Variants in ACOT6 observed in about 807,000 individuals in gnomAD.
The protein encoded by ACOT6 is acyl-CoA thioesterase 6.
A neutral mutation model predicts 12.3 loss-of-function variants in ACOT6; 14 were observed. That is an observed-to-expected ratio of 1.14 (90% CI 0.75 to 1.78). ACOT6 has a LOEUF of 1.78. ACOT6 is among the 40% of genes most tolerant of loss of function. The probability of loss-of-function intolerance (pLI) is 0.00; values close to 1 mark genes in which losing one functional copy is unlikely to be tolerated. For missense variants in ACOT6, 523 were observed against 551.8 expected, an observed-to-expected ratio of 0.95 and a Z score of 0.52; for synonymous variants, 218 against 231.3, an observed-to-expected ratio of 0.94 and a Z score of 0.52.
At position 73,619,282 on chromosome 14, in the gene ACOT6, CTG is replaced by C; in HGVS notation, c.713_714del (p.Cys238SerfsTer36). Reference sequence around the variant, plus strand: ...TCTTGGATTTTCCAAAGGAGGTGACCTGTGTCTCTCAATGGCTTCTTTCTTGA... The same window carrying C: ...TCTTGGATTTTCCAAAGGAGGTGACCTGTCTCTCAATGGCTTCTTTCTTGA... ...ALLGFSKGGD[L>X]CLSMASFLKG... On this transcript the variant is annotated frameshift_variant, in exon 3 of 3. Coordinates refer to ENST00000645972, the MANE Select transcript of ACOT6 (RefSeq NM_001365788.1). LOFTEE classifies it low-confidence loss of function (END_TRUNC). 1 of 1,609,262 alleles carries C rather than the reference CTG, an allele frequency of 6.2e-7. No homozygotes were observed. Among genetic ancestry groups the C allele is most frequent in the Non-Finnish European group, 8.5e-7 (1 of 1,178,606 alleles).
chr14:73,612,326 T>C (rs1445985978), upstream of ACOT6, among the ~76,000 whole-genome samples: 1 of 152,186 alleles, frequency 6.6e-6, no homozygotes, highest in Non-Finnish European at 1.5e-5. Context: ...ACAGGCGTGA[T>C]CCACCGCCCC....
intron 1 of ACOT6, among the ~76,000 whole-genome samples, chr14:73,615,509 T>C (rs1360392725): frequency 1.4e-5 from 2 of 148,046 alleles, no homozygotes; most frequent in African/African-American, 5.1e-5. Flanking sequence ...GGTGGGCGGA[T>C]CATCTGAGGT....
intron 1 of ACOT6, among the ~76,000 whole-genome samples, chr14:73,613,942 CA>C (rs1380407274): frequency 6.8e-6 from 1 of 148,014 alleles, no homozygotes; most frequent in Non-Finnish European, 1.5e-5. Context: ...GTAATCCCAG[CA>C]CTTTGGGAGG....
Position 73,612,545 on chromosome 14 carries a change from G to T in ACOT6, c.-27G>T. ...CCCGCCCACTGACTCCGCGGAGCTGGGTCGCCCCTGTTCTACCCAGATTGG... is the reference window on the plus strand; with the variant it reads ...CCCGCCCACTGACTCCGCGGAGCTGTGTCGCCCCTGTTCTACCCAGATTGG... On this transcript the variant is annotated 5_prime_UTR_variant, in exon 1 of 3. Coordinates refer to ENST00000645972, the MANE Select transcript of ACOT6 (RefSeq NM_001365788.1). 1 of 1,281,680 alleles carries T rather than the reference G, an allele frequency of 7.8e-7. No individual in the cohort carries two copies. The highest frequency in any genetic ancestry group is 1.0e-6 in the Non-Finnish European group (1 of 993,398). 79.4% of individuals were successfully genotyped at this position (1,281,680 alleles called of 1,614,324 possible). A position where few individuals can be genotyped will look rare whatever the true frequency, so the allele number is the denominator to read the frequency against.
Position 73,613,038 on chromosome 14 carries a change from C to A in ACOT6, c.461+6C>A, listed in dbSNP as rs1890476601. On this transcript the variant is annotated splice_donor_region_variant and intron_variant, in intron 1 of 2. Coordinates refer to ENST00000645972, the MANE Select transcript of ACOT6 (RefSeq NM_001365788.1). ...CTCTTCCTGCCGCCGGATGAGTAGT[C>A]TGCCCAGAATTTGGTCGAGCTCTGC... 9 of 785,022 alleles carry A rather than the reference C, an allele frequency of 1.1e-5. No individual in the cohort carries two copies. The South Asian group carries it at 1.7e-4, about 15-fold the overall frequency. 48.6% of individuals were successfully genotyped at this position (785,022 alleles called of 1,614,324 possible).
chr14:73,617,858 A>C (rs750730144), intron 2 of ACOT6, among the ~76,000 whole-genome samples: 2 of 152,052 alleles, frequency 1.3e-5, no homozygotes, highest in Non-Finnish European at 2.9e-5. Flanking sequence ...TAATTAAAAC[A>C]TTTTGGCCAG....
In ACOT6 at chr14:73,619,755, A is replaced by T; in HGVS notation, c.1182A>T (p.Ala394=). ...GTGAGCCAAAGGCTCACTCAAAGGCACAGGTAGATGCCTGGCAGCAAATTC... is the reference window on the plus strand; with the variant it reads ...GTGAGCCAAAGGCTCACTCAAAGGCTCAGGTAGATGCCTGGCAGCAAATTC... ...YGGEPKAHSK[A]QVDAWQQIQT... is the part of the protein sequence containing the mutation. The change falls in exon 3 of 3, where the codon GCA becomes GCT. Residue 394 remains alanine, a synonymous_variant. Transcript: ENST00000645972. 2 of 1,613,690 alleles carry T rather than the reference A, an allele frequency of 1.2e-6. No individual in the cohort carries two copies. Among genetic ancestry groups the T allele is most frequent in the Non-Finnish European group, 1.7e-6 (2 of 1,179,850 alleles).
chr14:73,612,376 C>A, upstream of ACOT6: 2 of 420,234 alleles, frequency 4.8e-6, no homozygotes, highest in Non-Finnish European at 8.2e-6. Context: ...AGCAGATACT[C>A]TTTCATTTGG....
intron 2 of ACOT6, among the ~76,000 whole-genome samples, chr14:73,618,805 T>A (rs1043347046): frequency 3.3e-5 from 5 of 152,114 alleles, no homozygotes; most frequent in Non-Finnish European, 7.4e-5. Context: ...CTTTGCAGAT[T>A]GTTGGATACG....
chr14:73,616,987 C>A lies in ACOT6; in HGVS notation c.462-7C>A. ...GCTCCCTGTGATTTGTGATGTTCTC[C>A]AGGCAGGGGGCCCTTTCCTGGGATC... On this transcript the variant is annotated splice_region_variant and splice_polypyrimidine_tract_variant and intron_variant, in intron 1 of 2. Coordinates refer to ENST00000645972, the MANE Select transcript of ACOT6 (RefSeq NM_001365788.1). 1 of 674,816 alleles carries A rather than the reference C, an allele frequency of 1.5e-6. No individual in the cohort carries two copies. Among genetic ancestry groups the A allele is most frequent in the Non-Finnish European group, 2.6e-6 (1 of 381,344 alleles). 41.8% of individuals were successfully genotyped at this position (674,816 alleles called of 1,614,324 possible).
chr14:73,617,786 G>A (rs1371523617), intron 2 of ACOT6, among the ~76,000 whole-genome samples: 1 of 152,108 alleles, frequency 6.6e-6, no homozygotes, highest in Non-Finnish European at 1.5e-5. Flanking sequence ...ATTTTGTTGG[G>A]TATGATAATG....
intron 2 of ACOT6, among the ~76,000 whole-genome samples, chr14:73,617,872 C>T (rs1025809492): frequency 6.6e-6 from 1 of 150,616 alleles, no homozygotes; most frequent in Admixed American, 6.7e-5. Context: ...TGGCCAGGTG[C>T]GGTGGCTCAC....
rs2064505118 is a variant in ACOT6 at position 73,619,709 on chromosome 14, G to T, written c.1136G>T (p.Gly379Val). The T allele has an allele frequency of 1.2e-6, 2 of 1,614,058 alleles. No individual in the cohort carries two copies. Among genetic ancestry groups the T allele is most frequent in the African/African-American group, 2.7e-5 (2 of 74,932 alleles). Residue 379 changes from glycine (G) to valine (V), a missense_variant, in exon 3 of 3, where the codon GGT becomes GTT. Transcript: ENST00000645972. ...AGAGCTTCTGTGCACGCTGTTTTGGGTGAGGCAATATTCTATGGAGGTGAG... is the reference window on the plus strand; with the variant it reads ...AGAGCTTCTGTGCACGCTGTTTTGGTTGAGGCAATATTCTATGGAGGTGAG... ...PSRASVHAVL[G>V]EAIFYGGEPK...
upstream of ACOT6, among the ~76,000 whole-genome samples, chr14:73,611,902 G>T (rs1178971993): frequency 6.6e-6 from 1 of 152,080 alleles, no homozygotes; most frequent in Non-Finnish European, 1.5e-5. Context: ...TCTCCAAGGG[G>T]TCACCTGAGT....
rs1184780650 is a variant in ACOT6 at position 73,612,969 on chromosome 14, GGGTGCGGCGCGAGCC to G, written c.405_419del (p.Arg136_Arg140del). On this transcript the variant is annotated inframe_deletion, in exon 1 of 3. Coordinates refer to ENST00000645972, the MANE Select transcript of ACOT6 (RefSeq NM_001365788.1). ...AACAAGCGCGACTTTCTCCGGCCGG[GGGTGCGGCGCGAGCC>G]GGTGCGCGCGGGCCCGGTGCGCGCC... 5.0e-6 allele frequency: 6 copies of G among 1,197,400 alleles called. No homozygotes were observed. In the South Asian group the frequency reaches 1.0e-4, roughly 20 times the overall value. 74.2% of individuals were successfully genotyped at this position (1,197,400 alleles called of 1,614,324 possible).
At chr14:73,612,430 G>A, upstream of ACOT6, 1 of 510,792 alleles carries the variant, frequency 2.0e-6, no homozygotes, top group Non-Finnish European at 3.1e-6. Flanking sequence ...CCACGCAGCG[G>A]CCTGGAGCCT....
At position 73,619,539 on chromosome 14, in the gene ACOT6, T is replaced by C. The variant is rs767585477; in HGVS notation, c.966T>C (p.Val322=). The change falls in exon 3 of 3, where the codon GTT becomes GTC. Residue 322 remains valine (V), a synonymous_variant. Transcript: ENST00000645972. The stretch of plus-strand genomic sequence containing the variant: ...CGCAGGTGCCCTTCTTGTTTATTGT[T>C]GGCATGGATGATCAAAGCTGGAAGA... ...EKAQVPFLFI[V]GMDDQSWKSE... 2 of 1,614,226 alleles carry C rather than the reference T, an allele frequency of 1.2e-6. No homozygotes were observed. The highest frequency in any genetic ancestry group is 1.7e-6 in the Non-Finnish European group (2 of 1,180,038).
intron 2 of ACOT6, among the ~76,000 whole-genome samples, chr14:73,618,645 C>A (rs985214571): frequency 6.6e-6 from 1 of 152,104 alleles, no homozygotes; most frequent in African/African-American, 2.4e-5. Flanking sequence ...CTGTATTTAA[C>A]AGTTTGTTCA....
At position 73,617,033 on chromosome 14, in the gene ACOT6, C is replaced by A; in HGVS notation, c.501C>A (p.Ser167Arg). Residue 167 changes from serine (S) to arginine (R), a missense_variant, in exon 2 of 3, where the codon AGC becomes AGA. Around this residue, in one of 2 missense-constraint regions of ACOT6, gnomAD observed 304 missense variants for 274.8 expected, o/e 1.11. Coordinates refer to ENST00000645972, the MANE Select transcript of ACOT6 (RefSeq NM_001365788.1). Reference sequence around the variant, plus strand: ...GGATCATTGATCTGTTTGGGAGCAGCAGGGGCCTTTGTGAATACAGGGCCA... The same window carrying A: ...GGATCATTGATCTGTTTGGGAGCAGAAGGGGCCTTTGTGAATACAGGGCCA... ...FPGIIDLFGS[S>R]RGLCEYRASL... is the part of the protein sequence containing the mutation. 1 of 940,016 alleles carries A rather than the reference C, an allele frequency of 1.1e-6. No homozygotes were observed. The highest frequency in any genetic ancestry group is 1.7e-6 in the Non-Finnish European group (1 of 577,194). 58.2% of individuals were successfully genotyped at this position (940,016 alleles called of 1,614,324 possible).
Sources: gnomAD v4.1 joint callset for allele counts (sites outside exome capture counted in the v4.1 genomes callset) on GRCh38, gnomAD v4.1.1 for gene constraint, gnomAD v4.1.1 regional missense constraint, MANE v1.5 for transcripts, NCBI Gene and HGNC (gene_info 2026-07-23, HGNC 2026-07-21) for gene names.